Variants in TRERF1 observed in about 807,000 individuals in gnomAD.
TRERF1 encodes transcriptional regulating factor 1, also known as transcriptional-regulating factor 1.
A neutral mutation model predicts 122.9 loss-of-function variants in TRERF1; 27 were observed. That is an observed-to-expected ratio of 0.22 (90% confidence interval 0.16 to 0.30). The LOEUF (loss-of-function observed/expected upper bound fraction) is 0.30. Among genes scored for constraint, TRERF1 ranks in the 10% least tolerant of loss-of-function variants. The pLI is 1.00. For synonymous variants in TRERF1, 636 were observed against 641.7 expected (o/e 0.99, Z 0.13); for missense variants, 1,248 against 1,560.3 (o/e 0.80, Z 3.37).
chr6:42,362,434 C>T (rs1223290900), intron 3 of TRERF1, among the ~76,000 whole-genome samples: 2 of 152,200 alleles, frequency 1.3e-5, no homozygotes, highest in African/African-American at 4.8e-5. Context: ...GAAATAAAAG[C>T]TTAAAATTCT....
chr6:42,279,560 G>A (rs1781915677), intron 4 of TRERF1, among the ~76,000 whole-genome samples: 1 of 152,208 alleles, frequency 6.6e-6, no homozygotes, highest in Non-Finnish European at 1.5e-5. Context: ...CACAAGTCAA[G>A]CACCTGCAGG....
At chr6:42,262,013 C>G (rs1396171568) in intron 8 of TRERF1, among the ~76,000 whole-genome samples, 1 of 152,046 alleles carries the variant, frequency 6.6e-6, no homozygotes, top group Non-Finnish European at 1.5e-5. Flanking sequence ...ACTCTGACCC[C>G]CATGTGACTA....
rs1286310792 is a variant in TRERF1 at position 42,232,426 on chromosome 6, G to A, written c.3278+255C>T. 2.6e-5 allele frequency among the ~76,000 whole-genome samples: 4 copies of A among 152,164 alleles called. No individual in the cohort carries two copies. Among genetic ancestry groups the A allele is most frequent in the African/African-American group, 7.2e-5 (3 of 41,450 alleles). On this transcript the variant is annotated intron_variant, in intron 17 of 17. Transcript: ENST00000372922. The surrounding 1 kb of genome is among the most constrained non-coding windows in gnomAD (Gnocchi z 4.5). Reference sequence around the variant, plus strand: ...CCAGAGTCCCACCTGCCATTCCTGGGAAAGAGTGAAGTTTTGTAACTTACA... The same window carrying A: ...CCAGAGTCCCACCTGCCATTCCTGGAAAAGAGTGAAGTTTTGTAACTTACA...
At chr6:42,340,155 C>T (rs958728390) in intron 3 of TRERF1, among the ~76,000 whole-genome samples, 1 of 152,172 alleles carries the variant, frequency 6.6e-6, no homozygotes, top group Non-Finnish European at 1.5e-5. Context: ...CATTTCTTAC[C>T]TGTACCTGCT....
chr6:42,240,020 C>A (rs1368972330), intron 15 of TRERF1, among the ~76,000 whole-genome samples: 1 of 152,014 alleles, frequency 6.6e-6, no homozygotes, highest in Non-Finnish European at 1.5e-5. Flanking sequence ...CTCTTACCCT[C>A]TCCTCCTTAA....
intron 3 of TRERF1, among the ~76,000 whole-genome samples, chr6:42,323,345 T>C (rs1454183616): frequency 6.6e-6 from 1 of 151,996 alleles, no homozygotes; most frequent in African/African-American, 2.4e-5. Context: ...ATTACAGGCA[T>C]GCACCACCAC....
intron 2 of TRERF1, among the ~76,000 whole-genome samples, chr6:42,432,395 T>C (rs1427571581): frequency 6.6e-6 from 1 of 152,258 alleles, no homozygotes; most frequent in South Asian, 2.1e-4. Context: ...TTTTAAAATA[T>C]GAATAAAATG....
intron 3 of TRERF1, among the ~76,000 whole-genome samples, chr6:42,345,309 T>G (rs1451252319): frequency 6.6e-6 from 1 of 152,234 alleles, no homozygotes; most frequent in Non-Finnish European, 1.5e-5. Context: ...GCAAACACAT[T>G]TGTGCATGTG....
At chr6:42,284,695 T>A (rs962859361) in intron 4 of TRERF1, among the ~76,000 whole-genome samples, 3 of 152,182 alleles carry the variant, frequency 2.0e-5, no homozygotes, top group Admixed American at 1.3e-4. Flanking sequence ...GGGCAAGTTG[T>A]GGAGAAGGCC....
At chr6:42,351,542 T>C (rs1240607001) in intron 3 of TRERF1, among the ~76,000 whole-genome samples, 2 of 152,228 alleles carry the variant, frequency 1.3e-5, no homozygotes, top group Non-Finnish European at 2.9e-5. Flanking sequence ...GAAAAATATA[T>C]AGCATATGCA....
intron 2 of TRERF1, among the ~76,000 whole-genome samples, chr6:42,430,715 G>A (rs914819762): frequency 6.6e-6 from 1 of 152,136 alleles, no homozygotes; most frequent in Non-Finnish European, 1.5e-5. Context: ...TGGCCAACAT[G>A]GTGAAACCCC....
Position 42,277,861 on chromosome 6 carries a change from G to T in TRERF1, c.-258-8013C>A, listed in dbSNP as rs144893555. Among the ~76,000 whole-genome samples the T allele has an allele frequency of 4.1e-3, 557 of 137,390 alleles. 15 individuals are homozygous for T. The highest frequency in any genetic ancestry group is 4.6e-3 in the Non-Finnish European group (297 of 64,892). 90.1% of individuals were successfully genotyped at this position (137,390 alleles called of 152,430 possible). On this transcript the variant is annotated intron_variant, in intron 4 of 17. Transcript: ENST00000372922. ...TAAATAAATAAGAAGAAGAAAGAAG[G>T]AAGAAGGAAGAAGAAGGAAGAAGGA...
intron 2 of TRERF1, among the ~76,000 whole-genome samples, chr6:42,410,686 A>G (rs1359457827): frequency 6.6e-6 from 1 of 152,066 alleles, no homozygotes; most frequent in Non-Finnish European, 1.5e-5. Flanking sequence ...AATGCAATCA[A>G]TCAATGGCCA....
chr6:42,334,551 T>C (rs1765807782), intron 3 of TRERF1, among the ~76,000 whole-genome samples: 1 of 152,294 alleles, frequency 6.6e-6, no homozygotes, highest in South Asian at 2.1e-4. Context: ...ACACAGCAAA[T>C]CCTCTATCTA....
At chr6:42,262,716 A>G (rs1778438649) in intron 8 of TRERF1, among the ~76,000 whole-genome samples, 1 of 152,186 alleles carries the variant, frequency 6.6e-6, no homozygotes, top group Non-Finnish European at 1.5e-5. Context: ...TCCTGAGATT[A>G]GGGGTGGGTG....
At chr6:42,302,285 C>T (rs546105942) in intron 3 of TRERF1, among the ~76,000 whole-genome samples, 5 of 152,120 alleles carry the variant, frequency 3.3e-5, no homozygotes, top group African/African-American at 9.6e-5. Context: ...TGACAGCTAG[C>T]TCCAAAAAAA....
At chr6:42,265,207 A>G (rs1169221794) in intron 6 of TRERF1, among the ~76,000 whole-genome samples, 1 of 152,160 alleles carries the variant, frequency 6.6e-6, no homozygotes, top group African/African-American at 2.4e-5. Context: ...CCCCACTTAG[A>G]GACATTTGTG....
intron 3 of TRERF1, among the ~76,000 whole-genome samples, chr6:42,308,441 G>A (rs576821922): frequency 6.6e-6 from 1 of 152,332 alleles, no homozygotes; most frequent in African/African-American, 2.4e-5. Flanking sequence ...CAGAAAGCAG[G>A]TTAGTGGTTG....
intron 3 of TRERF1, among the ~76,000 whole-genome samples, chr6:42,352,557 T>G (rs1296595241): frequency 6.6e-6 from 1 of 152,192 alleles, no homozygotes; most frequent in Non-Finnish European, 1.5e-5. Context: ...TTACAAACAT[T>G]AAAATGTAGA....
Sources: gnomAD v4.1 joint callset for allele counts (sites outside exome capture counted in the v4.1 genomes callset) on GRCh38, gnomAD v4.1.1 for gene constraint, Gnocchi (gnomAD v3.1) non-coding constraint, MANE v1.5 for transcripts, NCBI Gene and HGNC (gene_info 2026-07-23, HGNC 2026-07-21) for gene names.